TFDP1: variants seen among roughly 807,000 people sequenced by gnomAD.
The protein encoded by TFDP1 is transcription factor Dp-1.
A neutral mutation model predicts 48.0 loss-of-function variants in TFDP1; 6 were observed. The ratio of observed to expected loss-of-function variants is 0.13; its 90% CI spans 0.07 to 0.25. The LOEUF (loss-of-function observed/expected upper bound fraction) is 0.25, where lower values mean the gene tolerates loss of function less well. Among genes scored for constraint, TFDP1 ranks in the 10% least tolerant of loss-of-function variants. The pLI is 1.00. For synonymous variants in TFDP1, 201 were observed against 211.6 expected, an observed-to-expected ratio of 0.95 and a Z score of 0.44; for missense variants, 335 against 543.0, an observed-to-expected ratio of 0.62 and a Z score of 3.81.
At chr13:113,632,671 G>A (rs538046346) in intron 5 of TFDP1, among the ~76,000 whole-genome samples, 5 of 152,276 alleles carry the variant, frequency 3.3e-5, no homozygotes, top group African/African-American at 1.2e-4. Context: ...CCAGCTACTC[G>A]GGAGGCTGAG....
In TFDP1 at chr13:113,633,065, A is replaced by T. The variant is rs1479701631; in HGVS notation, c.309-55A>T. The T allele has an allele frequency of 6.2e-7, 1 of 1,606,938 alleles. No individual in the cohort carries two copies. The highest frequency in any genetic ancestry group is 8.5e-7 in the Non-Finnish European group (1 of 1,176,532). ...CTCAGGTAAAAGCATTCCTCGATTC[A>T]GGCTGATCCTCAGGAGGGCTGACAG... is the stretch of plus-strand genomic sequence containing the variant. On this transcript the variant is annotated intron_variant, in intron 5 of 11. Transcript: ENST00000375370. This position sits in a 1 kb window ranked among gnomAD's most constrained non-coding sequence, Gnocchi z 4.5.
rs1178066876 is a variant in TFDP1, at chr13:113,585,489, GCTCGGCCCCACC to G, written c.-64-277_-64-266del. The G allele has an allele frequency of 3.0e-5, 6 of 202,102 alleles. No homozygotes were observed. In the East Asian group the frequency reaches 3.5e-4, roughly 12 times the overall value. The allele number at this position is 202,102 out of a possible 1,614,324, so 12.5% of individuals were successfully genotyped here. A position where few individuals can be genotyped will look rare whatever the true frequency, so the allele number is the denominator to read the frequency against. On this transcript the variant is annotated intron_variant, in intron 1 of 11. Coordinates refer to ENST00000375370, the MANE Select transcript of TFDP1 (RefSeq NM_007111.5). The stretch of plus-strand genomic sequence containing the variant: ...GAGGCGCTGCGCCCTGGCTCCTGGG[GCTCGGCCCCACC>G]CTCGGCCGCTGGGCGGGCCGTCGGG...
chr13:113,591,028 AAAG>A, intron 2 of TFDP1, among the ~76,000 whole-genome samples: 1 of 147,674 alleles, frequency 6.8e-6, no homozygotes, highest in Admixed American at 6.7e-5. Context: ...AAAAAAAAAA[AAAG>A]AAAAAGAAAA....
chr13:113,622,252 C>A (rs973119132), intron 3 of TFDP1, among the ~76,000 whole-genome samples: 1 of 152,186 alleles, frequency 6.6e-6, no homozygotes, highest in Non-Finnish European at 1.5e-5. Context: ...GCCCAGCTGC[C>A]TTTTCTTTTA....
intron 11 of TFDP1, among the ~76,000 whole-genome samples, chr13:113,639,188 G>A (rs940695919): frequency 1.3e-5 from 2 of 152,230 alleles, no homozygotes; most frequent in African/African-American, 4.8e-5. Context: ...ATGTGTGAAC[G>A]TGTGGCGGTC....
In TFDP1 at chr13:113,640,201, G is replaced by T. The variant is rs377544697; in HGVS notation, c.1167G>T (p.Pro389=). 1 of 1,613,352 alleles carries T rather than the reference G, an allele frequency of 6.2e-7. No homozygotes were observed. Among genetic ancestry groups the T allele is most frequent in the South Asian group, 1.1e-5 (1 of 90,910 alleles). ...ACAGCGGCTCCAGGGTGGAGACTCC[G>T]GTGTCCTACGTCGGGGAGGACGACG... ...SQYSGSRVET[P]VSYVGEDDEE... Residue 389 remains proline (P), a synonymous_variant, in exon 12 of 12, where the codon CCG becomes CCT. Transcript: ENST00000375370.
At position 113,596,980 on chromosome 13, in the gene TFDP1, C is replaced by T. The variant is rs530667830; in HGVS notation, c.12+11131C>T. ...CTCACTGTGCATCCTTGTGGGTGGG[C>T]GTCAAACCCCGCACCTGAGTCTGCT... On this transcript the variant is annotated intron_variant, in intron 2 of 11. Coordinates refer to ENST00000375370, the MANE Select transcript of TFDP1 (RefSeq NM_007111.5). Among the ~76,000 whole-genome samples the T allele has an allele frequency of 2.8e-3, 432 of 152,312 alleles. 2 individuals carry two copies. Among genetic ancestry groups the T allele is most frequent in the African/African-American group, 9.9e-3 (410 of 41,566 alleles).
At chr13:113,612,950 G>T (rs890167133) in intron 3 of TFDP1, among the ~76,000 whole-genome samples, 1 of 152,234 alleles carries the variant, frequency 6.6e-6, no homozygotes, top group South Asian at 2.1e-4. Flanking sequence ...TCCCTGGATC[G>T]CCGGCAGCAG....
chr13:113,626,472 GCCTTCCCCGCGCTC>G (rs535214255), intron 4 of TFDP1, among the ~76,000 whole-genome samples: 1 of 152,090 alleles, frequency 6.6e-6, no homozygotes, highest in Non-Finnish European at 1.5e-5. Context: ...GAGCAGGATT[GCCTTCCCCGCGCTC>G]CCTTCCCCGC....
intron 3 of TFDP1, among the ~76,000 whole-genome samples, chr13:113,616,786 G>C (rs2048870273): frequency 6.6e-6 from 1 of 152,178 alleles, no homozygotes; most frequent in Non-Finnish European, 1.5e-5. Flanking sequence ...TCTTTGTAGA[G>C]CTGTTAGGAA....
At chr13:113,597,225 A>G (rs1477452587) in intron 2 of TFDP1, among the ~76,000 whole-genome samples, 1 of 152,196 alleles carries the variant, frequency 6.6e-6, no homozygotes, top group Non-Finnish European at 1.5e-5. Context: ...TAATGTAAAA[A>G]CTTTTCCAGA....
intron 4 of TFDP1, among the ~76,000 whole-genome samples, chr13:113,626,079 C>G (rs920951522): frequency 1.4e-5 from 2 of 142,150 alleles, no homozygotes; most frequent in East Asian, 4.5e-4. Context: ...GTGTCTCTCA[C>G]GTGTCCTCAG....
In TFDP1 at chr13:113,616,553, C is replaced by T. The variant is rs545127216; in HGVS notation, c.79+5491C>T. The stretch of plus-strand genomic sequence containing the variant: ...ACATGTGGCCATTGATTATACATAT[C>T]CTCTTAGCCCAGAATGACTGCTTAC... On this transcript the variant is annotated intron_variant, in intron 3 of 11. Transcript: ENST00000375370. Among the ~76,000 whole-genome samples the T allele has an allele frequency of 2.6e-5, 4 of 152,290 alleles. No homozygotes were observed. In the East Asian group the frequency reaches 7.7e-4, roughly 29 times the overall value.
intron 2 of TFDP1, among the ~76,000 whole-genome samples, chr13:113,597,695 G>T (rs2048319311): frequency 6.6e-6 from 1 of 152,212 alleles, no homozygotes; most frequent in Admixed American, 6.5e-5. Context: ...ACGAAATTAG[G>T]AGCACCTCAC....
At chr13:113,632,046 C>T (rs906452873) in intron 5 of TFDP1, 2 of 391,972 alleles carry the variant, frequency 5.1e-6, no homozygotes, top group Non-Finnish European at 4.6e-6. Flanking sequence ...GCCTCGTACT[C>T]GCCACAGGAC....
intron 4 of TFDP1, among the ~76,000 whole-genome samples, chr13:113,624,724 T>C (rs2049085550): frequency 1.6e-5 from 2 of 123,972 alleles, no homozygotes; most frequent in Non-Finnish European, 1.6e-5. Flanking sequence ...TCACATGTCC[T>C]CACGTGTCTC....
Position 113,611,163 on chromosome 13 carries a change from A to G in TFDP1, c.79+101A>G, listed in dbSNP as rs1217508192. 3 of 1,182,574 alleles carry G rather than the reference A, an allele frequency of 2.5e-6. No homozygotes were observed. The African/African-American group carries it at 4.6e-5, about 18-fold the overall frequency. 73.3% of individuals were successfully genotyped at this position (1,182,574 alleles called of 1,614,324 possible). On this transcript the variant is annotated intron_variant, in intron 3 of 11. Transcript: ENST00000375370. The stretch of plus-strand genomic sequence containing the variant: ...GCTGAAGCCTCTTGCTAATGATGGC[A>G]TCTCCTGCATGGGCACCTTTGTGCT...
At chr13:113,637,509 T>A (rs2049522449) in intron 10 of TFDP1, 1 of 1,133,632 alleles carries the variant, frequency 8.8e-7, no homozygotes, top group Non-Finnish European at 1.2e-6. Context: ...CTTGACACTT[T>A]GATTCGGTTC....
chr13:113,619,298 C>A (rs1381907085), intron 3 of TFDP1, among the ~76,000 whole-genome samples: 3 of 151,986 alleles, frequency 2.0e-5, no homozygotes, highest in Admixed American at 2.0e-4. Flanking sequence ...CATGGTGAAA[C>A]CCTTCTCTAC....
Sources: allele counts gnomAD v4.1 joint callset (sites outside exome capture counted in the v4.1 genomes callset), GRCh38; gene constraint gnomAD v4.1.1; non-coding constraint Gnocchi (gnomAD v3.1); transcripts MANE v1.5; gene names NCBI Gene and HGNC (gene_info 2026-07-23, HGNC 2026-07-21).